Variants in CERKL observed in about 807,000 individuals in gnomAD.
The protein encoded by CERKL is CERK like autophagy regulator, also known as ceramide kinase-like protein.
CERKL carries 61 observed loss-of-function variants against 63.4 expected under a neutral mutation model. The observed-to-expected ratio is 0.96, with a 90% CI of 0.78 to 1.19. The LOEUF is 1.19. Among genes scored for constraint, CERKL ranks in the 50% most tolerant of loss-of-function variants. The pLI, the probability that CERKL is intolerant of heterozygous loss-of-function variation, is 0.00. For missense variants in CERKL, 675 were observed against 655.5 expected, an observed-to-expected ratio of 1.03 and a Z score of -0.33; for synonymous variants, 250 against 230.5, an observed-to-expected ratio of 1.08 and a Z score of -0.77.
At chr2:181,594,268 G>T (rs60759008) in intron 2 of CERKL, among the ~76,000 whole-genome samples, 1 of 152,194 alleles carries the variant, frequency 6.6e-6, no homozygotes, top group Admixed American at 6.6e-5. Context: ...TACAGTAGAA[G>T]TATCCCCTTT....
chr2:181,563,276 G>A (rs1688522635), intron 4 of CERKL, among the ~76,000 whole-genome samples: 1 of 151,910 alleles, frequency 6.6e-6, no homozygotes. Flanking sequence ...CTGATACACT[G>A]TTTCTGTTGG....
intron 2 of CERKL, among the ~76,000 whole-genome samples, chr2:181,575,439 T>C (rs1689091430): frequency 6.6e-6 from 1 of 152,314 alleles, no homozygotes; most frequent in East Asian, 1.9e-4. Flanking sequence ...AGGAGGAAGA[T>C]GTATCCACAA....
intron 2 of CERKL, among the ~76,000 whole-genome samples, chr2:181,574,502 C>G (rs577723552): frequency 6.6e-6 from 1 of 152,156 alleles, no homozygotes; most frequent in African/African-American, 2.4e-5. Context: ...GGGAAAGCAA[C>G]GCCTCTCAGC....
chr2:181,608,201 C>T (rs1189887823), intron 1 of CERKL, among the ~76,000 whole-genome samples: 1 of 151,924 alleles, frequency 6.6e-6, no homozygotes, highest in East Asian at 1.9e-4. Context: ...TGCCTCTACA[C>T]ATGCTTTGCC....
At chr2:181,549,161 T>C (rs961327336) in intron 6 of CERKL, among the ~76,000 whole-genome samples, 16 of 152,168 alleles carry the variant, frequency 1.1e-4, no homozygotes, top group African/African-American at 3.6e-4. Flanking sequence ...GATTTAACAG[T>C]AGTTTAGTGT....
intron 5 of CERKL, among the ~76,000 whole-genome samples, chr2:181,556,140 C>G (rs1435340916): frequency 6.6e-6 from 1 of 152,030 alleles, no homozygotes; most frequent in Non-Finnish European, 1.5e-5. Context: ...CAAGTCCAGT[C>G]TCTCTTACCC....
intron 2 of CERKL, among the ~76,000 whole-genome samples, chr2:181,602,183 C>T (rs1685484703): frequency 6.6e-6 from 1 of 152,106 alleles, no homozygotes. Flanking sequence ...GGTTTTATGG[C>T]TGAGATATAT....
At chr2:181,609,285 T>C (rs1685854408) in intron 1 of CERKL, among the ~76,000 whole-genome samples, 1 of 122,112 alleles carries the variant, frequency 8.2e-6, no homozygotes. Flanking sequence ...CTACTTATAA[T>C]AGAACTTCAA....
At chr2:181,560,126 A>C (rs1441746939) in intron 4 of CERKL, among the ~76,000 whole-genome samples, 1 of 152,174 alleles carries the variant, frequency 6.6e-6, no homozygotes, top group Admixed American at 6.6e-5. Context: ...GAATGAAAAA[A>C]ACCAAGGTTT....
intron 1 of CERKL, among the ~76,000 whole-genome samples, chr2:181,610,642 A>G (rs1487493992): frequency 6.6e-6 from 1 of 152,182 alleles, no homozygotes; most frequent in Non-Finnish European, 1.5e-5. Context: ...TTACAAAGTA[A>G]TCTGAGGGAT....
chr2:181,604,877 G>A (rs1685613533), intron 1 of CERKL, among the ~76,000 whole-genome samples: 1 of 151,908 alleles, frequency 6.6e-6, no homozygotes, highest in Non-Finnish European at 1.5e-5. Flanking sequence ...AAAAATAGTG[G>A]CATAAAATTT....
At chr2:181,573,333 A>G (rs1688988851) in intron 3 of CERKL, among the ~76,000 whole-genome samples, 2 of 152,130 alleles carry the variant, frequency 1.3e-5, no homozygotes, top group South Asian at 4.1e-4. Flanking sequence ...TTTTGACCTA[A>G]CCACCAGGGG....
rs1687127461 is a variant in CERKL at position 181,536,749 on chromosome 2, A to G, written c.*1435T>C. The G allele has an allele frequency of 4.0e-6, 1 of 247,548 alleles. No homozygotes were observed. The highest frequency in any genetic ancestry group is 8.1e-6 in the Non-Finnish European group (1 of 123,100). 15.3% of individuals were successfully genotyped at this position (247,548 alleles called of 1,614,324 possible). On this transcript the variant is annotated 3_prime_UTR_variant, in exon 13 of 13. Transcript: ENST00000410087. ...TATTTTAAATGACTTTCTGGATTTT[A>G]AAAAATTTCTTTAAATACAATCATT... is the stretch of plus-strand genomic sequence containing the variant.
intron 1 of CERKL, among the ~76,000 whole-genome samples, chr2:181,628,196 T>C (rs2105471441): frequency 6.6e-6 from 1 of 152,254 alleles, no homozygotes; most frequent in Middle Eastern, 3.4e-3. Context: ...CGCAACACCA[T>C]CAACTTCAGA....
chr2:181,604,008 T>A lies in CERKL; in HGVS notation c.310A>T (p.Lys104Ter). The change falls in exon 2 of 13, where the codon AAA (lysine) becomes TAA (stop). Residue 104 changes from lysine (K) to a stop codon, truncating the protein, a stop_gained. Transcript: ENST00000410087. LOFTEE classifies it high-confidence loss of function. Reference sequence around the variant, plus strand: ...TGCTGTTTAACAGAACAACGCCGTTTCAGTTTCACAGAGAATATGTCTTTG... The same window carrying A: ...TGCTGTTTAACAGAACAACGCCGTTACAGTTTCACAGAGAATATGTCTTTG... Reference protein sequence around the residue: ...ELKDIFSVKLKRRCSVKQQRS... With the variant: ...ELKDIFSVKL The A allele has an allele frequency of 6.2e-7, 1 of 1,612,938 alleles. No individual in the cohort carries two copies. The highest frequency in any genetic ancestry group is 8.5e-7 in the Non-Finnish European group (1 of 1,179,278).
rs1559062239 is a variant in CERKL at position 181,536,839 on chromosome 2, C to CTGT, written c.*1344_*1345insACA. On this transcript the variant is annotated 3_prime_UTR_variant, in exon 13 of 13. Coordinates refer to ENST00000410087, the MANE Select transcript of CERKL (RefSeq NM_201548.5). Reference sequence around the variant, plus strand: ...CAGAATATCATTTTATCTGACTCTGCCTTCATAAGAGAGCTGTGGCCGAAT... The same window carrying CTGT: ...CAGAATATCATTTTATCTGACTCTGCTGTCTTCATAAGAGAGCTGTGGCCGAAT... The CTGT allele has an allele frequency of 2.6e-6, 1 of 388,378 alleles. No homozygotes were observed. The highest frequency in any genetic ancestry group is 5.2e-6 in the Non-Finnish European group (1 of 194,012). The allele number at this position is 388,378 out of a possible 1,614,324, so 24.1% of individuals were successfully genotyped here.
Position 181,649,075 on chromosome 2 carries a change from AACCTTGAATGTAAAT to A in CERKL, c.238+7679_238+7693del, listed in dbSNP as rs1389834774. Among the ~76,000 whole-genome samples the A allele has an allele frequency of 3.9e-5, 6 of 152,316 alleles. No individual in the cohort carries two copies. The East Asian group carries it at 1.2e-3, about 29-fold the overall frequency. ...GGAGAAATAAGTTCTTATCAATAAA[AACCTTGAATGTAAAT>A]AAATTATCTAATGAAAAGATATAAA... On this transcript the variant is annotated intron_variant, in intron 1 of 12. Coordinates refer to ENST00000410087, the MANE Select transcript of CERKL (RefSeq NM_201548.5).
At chr2:181,608,285 T>C (rs924925262) in intron 1 of CERKL, among the ~76,000 whole-genome samples, 1 of 152,138 alleles carries the variant, frequency 6.6e-6, no homozygotes, top group African/African-American at 2.4e-5. Context: ...ATTAGTCCCT[T>C]ATTATATAGG....
intron 1 of CERKL, among the ~76,000 whole-genome samples, chr2:181,630,827 C>G (rs1410021185): frequency 6.6e-6 from 1 of 152,214 alleles, no homozygotes; most frequent in Non-Finnish European, 1.5e-5. Context: ...ACTTTAGCAT[C>G]TCTGAATTTT....
Sources: gnomAD v4.1 joint callset for allele counts (sites outside exome capture counted in the v4.1 genomes callset) on GRCh38, gnomAD v4.1.1 for gene constraint, MANE v1.5 for transcripts, NCBI Gene and HGNC (gene_info 2026-07-23, HGNC 2026-07-21) for gene names.